The following SYT7 variants were observed in gnomAD, a reference collection of about 807,000 sequenced individuals.
The protein encoded by SYT7 is synaptotagmin-7.
Under a neutral mutation model 75.1 loss-of-function variants are expected in SYT7, and 29 were observed. That is an observed-to-expected ratio of 0.39 (90% CI 0.29 to 0.53). The LOEUF (loss-of-function observed/expected upper bound fraction) is 0.53, where lower values mean the gene tolerates loss of function less well. Among genes scored for constraint, SYT7 ranks in the 20% least tolerant of loss-of-function variants. The probability of loss-of-function intolerance (pLI) is 0.77; values close to 1 mark genes in which losing one functional copy is unlikely to be tolerated. For synonymous variants in SYT7, 376 were observed against 401.7 expected, an observed-to-expected ratio of 0.94 and a Z score of 0.76; for missense variants, 693 against 953.2, an observed-to-expected ratio of 0.73 and a Z score of 3.59.
intron 6 of SYT7, chr11:61,539,506 G>A (rs1325409014): frequency 6.6e-6 from 1 of 152,176 alleles, no homozygotes. Flanking sequence ...AGGAGAGGGA[G>A]GGGTTCTTGG....
intron 1 of SYT7, among the ~76,000 whole-genome samples, chr11:61,574,392 A>G (rs1159327518): frequency 6.6e-6 from 1 of 152,190 alleles, no homozygotes. Context: ...CTAGAGCCCT[A>G]GCTCAAGCAA....
In SYT7 at chr11:61,517,197, G is replaced by T; in HGVS notation, c.*1430C>A. ...CAGCTGGGTCTTGTATCAATACCAG[G>T]ACCAGCGTGGGGATGAGAGGGCTTA... On this transcript the variant is annotated 3_prime_UTR_variant, in exon 13 of 13. Coordinates refer to ENST00000539008, the MANE Select transcript of SYT7 (RefSeq NM_001365809.2). The T allele has an allele frequency of 2.5e-6, 1 of 398,540 alleles. No homozygotes were observed. Among genetic ancestry groups the T allele is most frequent in the South Asian group, 1.3e-4 (1 of 7,766 alleles). 24.7% of individuals were successfully genotyped at this position (398,540 alleles called of 1,614,324 possible).
rs994990675 is a variant in SYT7, at chr11:61,546,131, C to T, written c.472G>A (p.Gly158Arg). ...CTGCCCGGCTCGCTGGGGGCAGCCC[C>T]GCCGCTTCTCAAGGCGTCCTCTCCG... ...PPGEDALRSG[G>R]AAPSEPGSGG... Residue 158 changes from glycine (G) to arginine (R), a missense_variant, in exon 5 of 13, where the codon GGG becomes AGG. Physicochemically the swap from Gly to Arg is moderately radical, Grantham distance 125. This residue lies in a region of SYT7 where 487 missense variants were observed against 593.2 expected (regional missense o/e 0.82). Transcript: ENST00000539008. The surrounding 1 kb of genome is among the most constrained non-coding windows in gnomAD (Gnocchi z 7.6). 1.5e-5 allele frequency: 23 copies of T among 1,529,884 alleles called. No individual in the cohort carries two copies. Among genetic ancestry groups the T allele is most frequent in the Admixed American group, 1.4e-4 (7 of 50,660 alleles). 94.8% of individuals were successfully genotyped at this position (1,529,884 alleles called of 1,614,324 possible).
intron 12 of SYT7, among the ~76,000 whole-genome samples, chr11:61,519,228 A>G (rs1266775201): frequency 1.3e-5 from 2 of 152,250 alleles, no homozygotes; most frequent in African/African-American, 4.8e-5. Context: ...ACGAAGAGTT[A>G]AGAGACTTAC....
intron 12 of SYT7, among the ~76,000 whole-genome samples, chr11:61,522,132 T>C (rs1343716917): frequency 2.6e-5 from 4 of 151,230 alleles, no homozygotes. Context: ...AATCCCGTCC[T>C]GGGAAAACTC....
chr11:61,552,518 C>T (rs1254254116), intron 2 of SYT7, among the ~76,000 whole-genome samples: 4 of 152,130 alleles, frequency 2.6e-5, no homozygotes, highest in South Asian at 2.1e-4. Flanking sequence ...AAATGCTTCC[C>T]AACACCCTGT....
At position 61,553,567 on chromosome 11, in the gene SYT7, G is replaced by A. The variant is rs373458033; in HGVS notation, c.136-2104C>T. 1.3e-5 allele frequency among the ~76,000 whole-genome samples: 2 copies of A among 152,306 alleles called. No homozygotes were observed. The highest frequency in any genetic ancestry group is 2.1e-4 in the South Asian group (1 of 4,810). Reference sequence around the variant, plus strand: ...TCCGAGAACCTTCCCCTCTGGCTTCGACTATTGCTCTGCAGCAGGAGCCGA... The same window carrying A: ...TCCGAGAACCTTCCCCTCTGGCTTCAACTATTGCTCTGCAGCAGGAGCCGA... On this transcript the variant is annotated intron_variant, in intron 2 of 12. Coordinates refer to ENST00000539008, the MANE Select transcript of SYT7 (RefSeq NM_001365809.2). This position sits in a 1 kb window ranked among gnomAD's most constrained non-coding sequence, Gnocchi z 5.2.
chr11:61,538,528 T>C (rs1590869998), intron 6 of SYT7, among the ~76,000 whole-genome samples: 1 of 148,970 alleles, frequency 6.7e-6, no homozygotes, highest in Non-Finnish European at 1.5e-5. Context: ...GGGAGGGGAG[T>C]TGACTACGGC....
At chr11:61,557,744 G>A (rs778179330) in intron 1 of SYT7, among the ~76,000 whole-genome samples, 4 of 152,206 alleles carry the variant, frequency 2.6e-5, no homozygotes, top group Non-Finnish European at 5.9e-5. Context: ...CAGGGGCCAC[G>A]GCACCCAGGA....
chr11:61,568,603 C>A (rs1475197620), intron 1 of SYT7, among the ~76,000 whole-genome samples: 1 of 152,198 alleles, frequency 6.6e-6, no homozygotes, highest in East Asian at 1.9e-4. Context: ...CTGAGACGGG[C>A]ATGGGAGAGT....
In SYT7 at chr11:61,542,284, G is replaced by A. The variant is rs1431972076; in HGVS notation, c.868C>T (p.Arg290Cys). The change falls in exon 6 of 13, where the codon CGC (arginine) becomes TGC (cysteine). Residue 290 changes from arginine (R) to cysteine (C), a missense_variant. By Grantham distance (180) the Arg-to-Cys change is radical. Around this residue, in one of 2 missense-constraint regions of SYT7, gnomAD observed 487 missense variants for 593.2 expected, o/e 0.82. Transcript: ENST00000539008. The surrounding 1 kb of genome is among the most constrained non-coding windows in gnomAD (Gnocchi z 7.8). Reference protein sequence around the residue: ...SKYRAAGGRSRSNPGSWDHVV... With the variant: ...SKYRAAGGRSCSNPGSWDHVV... ...TGGTCCCAGCTGCCTGGGTTGGAGC[G>A]GCTGCGGCCCCCTGCCGCCCGGTAC... 2 of 1,534,990 alleles carry A rather than the reference G, an allele frequency of 1.3e-6. No homozygotes were observed. The highest frequency in any genetic ancestry group is 2.5e-5 in the East Asian group (1 of 40,752).
intron 1 of SYT7, among the ~76,000 whole-genome samples, chr11:61,558,483 TATACACACACACACACACAC>T (rs1168647450): frequency 4.7e-4 from 65 of 139,438 alleles, no homozygotes; most frequent in African/African-American, 1.9e-3. Flanking sequence ...AAAATATATA[TATACACACACACACACACAC>T]ATACACACAC....
upstream of SYT7, among the ~76,000 whole-genome samples, chr11:61,584,015 C>T (rs1254173030): frequency 6.6e-6 from 1 of 152,208 alleles, no homozygotes; most frequent in Non-Finnish European, 1.5e-5. Context: ...GTTTCCTTGT[C>T]TCTACAATGG....
rs1032646963 is a variant in SYT7, at chr11:61,558,916, G to A, written c.32-2709C>T. The stretch of plus-strand genomic sequence containing the variant: ...CAACACCACACCCGGCTAATTTTTT[G>A]TATTTTTAGTAGATATGGGATTTTA... On this transcript the variant is annotated intron_variant, in intron 1 of 12. Transcript: ENST00000539008. 4.6e-5 allele frequency among the ~76,000 whole-genome samples: 7 copies of A among 152,104 alleles called. No individual in the cohort carries two copies. In the South Asian group the frequency reaches 1.4e-3, roughly 31 times the overall value.
intron 1 of SYT7, among the ~76,000 whole-genome samples, chr11:61,578,197 C>A (rs1424184278): frequency 6.6e-6 from 1 of 152,152 alleles, no homozygotes; most frequent in Non-Finnish European, 1.5e-5. Context: ...ATCAGGGAAC[C>A]AAGGGCCTGG....
rs757462525 is a variant in SYT7, at chr11:61,518,632, C to A, written c.2056G>T (p.Ala686Ser). Residue 686 changes from alanine to serine, a missense_variant, in exon 13 of 13, where the codon GCC becomes TCC. Ala to Ser is a moderately conservative substitution (Grantham distance 99). Around this residue, in one of 2 missense-constraint regions of SYT7, gnomAD observed 206 missense variants for 360.0 expected, o/e 0.57. Coordinates refer to ENST00000539008, the MANE Select transcript of SYT7 (RefSeq NM_001365809.2). ...TGGGCCTCCCTTGGCCCCACTCAGG[C>A]CTTCAGCTGGTGCCACTGGGCCACG... ...QPVAQWHQLKA is the reference protein window; with the variant it reads ...QPVAQWHQLKS The A allele has an allele frequency of 1.3e-6, 2 of 1,546,050 alleles. No homozygotes were observed. The highest frequency in any genetic ancestry group is 1.7e-6 in the Non-Finnish European group (2 of 1,144,482).
chr11:61,558,547 A>C (rs577337163), intron 1 of SYT7, among the ~76,000 whole-genome samples: 1 of 145,726 alleles, frequency 6.9e-6, no homozygotes, highest in Admixed American at 6.7e-5. Flanking sequence ...TATATATATA[A>C]ATTATGAGGG....
In SYT7 at chr11:61,518,229, A is replaced by G. The variant is rs971103971; in HGVS notation, c.*398T>C. 6.0e-5 allele frequency: 10 copies of G among 165,506 alleles called. No homozygotes were observed. Among genetic ancestry groups the G allele is most frequent in the Non-Finnish European group, 1.2e-4 (9 of 77,086 alleles). The allele number at this position is 165,506 out of a possible 1,614,324, so 10.3% of individuals were successfully genotyped here. ...CTCAGCCTCCCCTCCCCGGGTCCAC[A>G]TCGGGGGCTGGAGAGGGAGTGGCCT... On this transcript the variant is annotated 3_prime_UTR_variant, in exon 13 of 13. Coordinates refer to ENST00000539008, the MANE Select transcript of SYT7 (RefSeq NM_001365809.2).
At position 61,542,264 on chromosome 11, in the gene SYT7, C is replaced by G; in HGVS notation, c.888G>C (p.Trp296Cys). The change falls in exon 6 of 13, where the codon TGG becomes TGC. Residue 296 changes from tryptophan (W) to cysteine (C), a missense_variant. Coordinates refer to ENST00000539008, the MANE Select transcript of SYT7 (RefSeq NM_001365809.2). The surrounding 1 kb of genome is among the most constrained non-coding windows in gnomAD (Gnocchi z 7.8). ...GGRSRSNPGS[W>C]DHVVGQIRNR... ...TTCGAATCTGCCCCACCACGTGGTCCCAGCTGCCTGGGTTGGAGCGGCTGC... is the reference window on the plus strand; with the variant it reads ...TTCGAATCTGCCCCACCACGTGGTCGCAGCTGCCTGGGTTGGAGCGGCTGC... 6.5e-7 allele frequency: 1 copy of G among 1,535,288 alleles called. No homozygotes were observed. The highest frequency in any genetic ancestry group is 8.7e-7 in the Non-Finnish European group (1 of 1,146,510).
Sources: allele counts gnomAD v4.1 joint callset (sites outside exome capture counted in the v4.1 genomes callset), GRCh38; gene constraint gnomAD v4.1.1; regional missense constraint gnomAD v4.1.1; non-coding constraint Gnocchi (gnomAD v3.1); transcripts MANE v1.5; gene names NCBI Gene and HGNC (gene_info 2026-07-23, HGNC 2026-07-21).